The following CACNG4 variants were observed in gnomAD, a reference collection of about 807,000 sequenced individuals.
CACNG4 encodes voltage-dependent calcium channel gamma-4 subunit.
In CACNG4, 8 loss-of-function variants were observed where a neutral mutation model predicts 22.9. The observed-to-expected ratio is 0.35, with a 90% CI of 0.21 to 0.63. CACNG4 has a LOEUF of 0.63. CACNG4 is among the 30% of genes least tolerant of loss of function. The pLI, the probability that CACNG4 is intolerant of heterozygous loss-of-function variation, is 0.72. For missense variants in CACNG4, 357 were observed against 455.4 expected, an observed-to-expected ratio of 0.78 and a Z score of 1.97; for synonymous variants, 188 against 191.9, an observed-to-expected ratio of 0.98 and a Z score of 0.17.
At chr17:67,029,276 G>A (rs1389973085) in intron 3 of CACNG4, among the ~76,000 whole-genome samples, 2 of 152,084 alleles carry the variant, frequency 1.3e-5, no homozygotes, top group African/African-American at 2.4e-5. Flanking sequence ...AGGTTGCAGT[G>A]AGCGGAGATC....
chr17:66,965,732 G>T (rs931352962), intron 1 of CACNG4, among the ~76,000 whole-genome samples: 7 of 151,438 alleles, frequency 4.6e-5, no homozygotes, highest in Admixed American at 4.6e-4. Context: ...AGGGGCGGGG[G>T]CGCGGTCGGA....
chr17:66,978,784 C>G (rs1432954428), intron 1 of CACNG4, among the ~76,000 whole-genome samples: 1 of 152,260 alleles, frequency 6.6e-6, no homozygotes, highest in Admixed American at 6.5e-5. Flanking sequence ...GCATGTCATA[C>G]AAAGGGGCTC....
At chr17:66,971,728 G>A (rs1224536508) in intron 1 of CACNG4, among the ~76,000 whole-genome samples, 1 of 152,160 alleles carries the variant, frequency 6.6e-6, no homozygotes, top group African/African-American at 2.4e-5. Context: ...GAGGAGGAAA[G>A]GGCGAGCCGA....
chr17:66,966,414 G>T lies in CACNG4; in HGVS notation c.220+1283G>T, dbSNP rs140997867. 2.0e-3 allele frequency among the ~76,000 whole-genome samples: 307 copies of T among 152,140 alleles called. 1 individual carries two copies. Among genetic ancestry groups the T allele is most frequent in the African/African-American group, 6.3e-3 (261 of 41,508 alleles). On this transcript the variant is annotated intron_variant, in intron 1 of 3. Transcript: ENST00000262138. The stretch of plus-strand genomic sequence containing the variant: ...TGTTAACTCCGCCCCTCGGTTGTTC[G>T]GGAAGTTCTCCCACACACCTAGCCT...
Position 67,031,183 on chromosome 17 carries a change from G to A in CACNG4, c.*179G>A, listed in dbSNP as rs994997840. Reference sequence around the variant, plus strand: ...AAGGTTGTGCTGGGAGACCGGACCCGGGGCTGCAGAAGAAGCTGAAGGCTG... The same window carrying A: ...AAGGTTGTGCTGGGAGACCGGACCCAGGGCTGCAGAAGAAGCTGAAGGCTG... On this transcript the variant is annotated 3_prime_UTR_variant, in exon 4 of 4. Transcript: ENST00000262138. The surrounding 1 kb of genome is among the most constrained non-coding windows in gnomAD (Gnocchi z 4.0). 47 of 675,010 alleles carry A rather than the reference G, an allele frequency of 7.0e-5. No homozygotes were observed. The highest frequency in any genetic ancestry group is 2.4e-4 in the East Asian group (9 of 36,852). 41.8% of individuals were successfully genotyped at this position (675,010 alleles called of 1,614,324 possible).
rs1347016791 is a variant in CACNG4 at position 67,027,228 on chromosome 17, C to T, written c.445+2228C>T. On this transcript the variant is annotated intron_variant, in intron 3 of 3. Coordinates refer to ENST00000262138, the MANE Select transcript of CACNG4 (RefSeq NM_014405.4). This position sits in a 1 kb window ranked among gnomAD's most constrained non-coding sequence, Gnocchi z 4.3. Reference sequence around the variant, plus strand: ...CAGCCTCCAAAGCCCTTCGAGGTGCCCCCTGCAGCTGCCCGTGCCCCCAGG... The same window carrying T: ...CAGCCTCCAAAGCCCTTCGAGGTGCTCCCTGCAGCTGCCCGTGCCCCCAGG... Among the ~76,000 whole-genome samples the T allele has an allele frequency of 4.6e-5, 7 of 152,238 alleles. No individual in the cohort carries two copies. The highest frequency in any genetic ancestry group is 2.6e-4 in the Admixed American group (4 of 15,288).
intron 1 of CACNG4, among the ~76,000 whole-genome samples, chr17:66,978,900 A>G (rs1239949629): frequency 6.6e-6 from 1 of 152,220 alleles, no homozygotes; most frequent in Admixed American, 6.5e-5. Context: ...TGGTGGGCAG[A>G]GTGTCCTCAC....
intron 2 of CACNG4, 85 bp from the exon 3 acceptor site, chr17:67,024,775 G>C (rs1336797423): frequency 1.3e-5 from 18 of 1,362,784 alleles, no homozygotes; most frequent in Non-Finnish European, 1.6e-5. Context: ...GAGCTGCAAG[G>C]TTCCTGGGAG....
chr17:66,978,888 C>A (rs1311017962), intron 1 of CACNG4, among the ~76,000 whole-genome samples: 1 of 152,228 alleles, frequency 6.6e-6, no homozygotes, highest in Non-Finnish European at 1.5e-5. Context: ...AGGCCAGATG[C>A]CTGGTGGGCA....
intron 1 of CACNG4, among the ~76,000 whole-genome samples, chr17:67,010,939 C>T (rs191637182): frequency 6.6e-6 from 1 of 152,254 alleles, no homozygotes; most frequent in East Asian, 1.9e-4. Context: ...CAGACATGGT[C>T]CATTTGGCCC....
At chr17:67,007,582 C>T (rs964521338) in intron 1 of CACNG4, among the ~76,000 whole-genome samples, 1 of 151,778 alleles carries the variant, frequency 6.6e-6, no homozygotes, top group African/African-American at 2.4e-5. Flanking sequence ...CTCTACTCTG[C>T]AGCCTGGGCC....
chr17:67,032,712 C>T lies in CACNG4; in HGVS notation c.*1708C>T, dbSNP rs1180008124. ...TGTGTGCTGTGCTCCAGAGCCTTCG[C>T]TCCCATCAGGGTTGGCATCATCTGA... On this transcript the variant is annotated 3_prime_UTR_variant, in exon 4 of 4. Coordinates refer to ENST00000262138, the MANE Select transcript of CACNG4 (RefSeq NM_014405.4). 6.5e-6 allele frequency: 1 copy of T among 153,214 alleles called. No homozygotes were observed. The highest frequency in any genetic ancestry group is 2.4e-5 in the African/African-American group (1 of 41,474). The allele number at this position is 153,214 out of a possible 1,614,324, so 9.5% of individuals were successfully genotyped here.
intron 1 of CACNG4, among the ~76,000 whole-genome samples, chr17:66,970,336 A>G (rs757404923): frequency 6.6e-6 from 1 of 152,220 alleles, no homozygotes; most frequent in Non-Finnish European, 1.5e-5. Context: ...ACGTCATAAA[A>G]TATGATAGAC....
At chr17:67,018,459 C>T (rs1482643351) in intron 2 of CACNG4, among the ~76,000 whole-genome samples, 187 bp downstream of exon 2, 3 of 152,194 alleles carry the variant, frequency 2.0e-5, no homozygotes. Context: ...CCATGACATA[C>T]TGGGTATCTC....
chr17:67,004,801 A>C (rs2035427960), intron 1 of CACNG4, among the ~76,000 whole-genome samples: 1 of 152,142 alleles, frequency 6.6e-6, no homozygotes, highest in African/African-American at 2.4e-5. Flanking sequence ...TCAGCTCACT[A>C]CAGCCTCGAC....
chr17:66,997,323 G>A (rs1237240619), intron 1 of CACNG4, among the ~76,000 whole-genome samples: 2 of 152,170 alleles, frequency 1.3e-5, no homozygotes, highest in Admixed American at 6.5e-5. Context: ...TGAGGAAGAG[G>A]GAAGAGTCAA....
chr17:66,973,676 C>T (rs529274639), intron 1 of CACNG4, among the ~76,000 whole-genome samples: 15 of 152,346 alleles, frequency 9.8e-5, no homozygotes, highest in African/African-American at 3.4e-4. Flanking sequence ...TCGCGGTTAA[C>T]CTGCATACAG....
At chr17:67,002,240 T>C (rs2035412624) in intron 1 of CACNG4, among the ~76,000 whole-genome samples, 1 of 152,168 alleles carries the variant, frequency 6.6e-6, no homozygotes, top group South Asian at 2.1e-4. Context: ...AATTGCTCTT[T>C]ATAAAACCAT....
rs1466043610 is a variant in CACNG4, at chr17:67,033,055, G to C, written c.*2051G>C. ...GCCCAGTCCCAGGCAGAGTAAGCAG[G>C]GCCCACCTAGGGACCAAGAAAGAGT... On this transcript the variant is annotated 3_prime_UTR_variant, in exon 4 of 4. Transcript: ENST00000262138. 6.5e-6 allele frequency: 1 copy of C among 152,678 alleles called. No individual in the cohort carries two copies. The highest frequency in any genetic ancestry group is 1.5e-5 in the Non-Finnish European group (1 of 68,114). 9.5% of individuals were successfully genotyped at this position (152,678 alleles called of 1,614,324 possible).
Sources: gnomAD v4.1 joint callset for allele counts (sites outside exome capture counted in the v4.1 genomes callset) on GRCh38, gnomAD v4.1.1 for gene constraint, Gnocchi (gnomAD v3.1) non-coding constraint, MANE v1.5 for transcripts, NCBI Gene and HGNC (gene_info 2026-07-23, HGNC 2026-07-21) for gene names.